The following TAOK1 variants were observed in gnomAD, a reference collection of about 807,000 sequenced individuals.
The protein encoded by TAOK1 is serine/threonine-protein kinase TAO1.
A neutral mutation model predicts 138.3 loss-of-function variants in TAOK1; 21 were observed. That is an observed-to-expected ratio of 0.15 (90% CI 0.11 to 0.22). The LOEUF (loss-of-function observed/expected upper bound fraction) is 0.22. TAOK1 is among the 10% of genes least tolerant of loss of function. TAOK1 has a pLI of 1.00. For synonymous variants in TAOK1, 361 were observed against 398.4 expected (o/e 0.91, Z 1.12); for missense variants, 651 against 1,227.7 (o/e 0.53, Z 7.02).
chr17:29,478,984 G>T lies in TAOK1; in HGVS notation c.449+637G>T, dbSNP rs556919224. Among the ~76,000 whole-genome samples the T allele has an allele frequency of 7.9e-5, 12 of 152,156 alleles. No individual in the cohort carries two copies. The South Asian group carries it at 2.3e-3, about 29-fold the overall frequency. On this transcript the variant is annotated intron_variant, in intron 6 of 19. Coordinates refer to ENST00000261716, the MANE Select transcript of TAOK1 (RefSeq NM_020791.4). ...CACTGAAAATATGAAAATTAGCTGG[G>T]CTTTGTTGTAGGCATCTATAATCCC...
chr17:29,501,514 A>T (rs192821714), intron 12 of TAOK1, among the ~76,000 whole-genome samples: 1 of 151,938 alleles, frequency 6.6e-6, no homozygotes, highest in Non-Finnish European at 1.5e-5. Context: ...TCAGGGAAGG[A>T]TATCAGTCCT....
chr17:29,494,559 G>C (rs186942592), intron 10 of TAOK1, among the ~76,000 whole-genome samples: 1 of 152,110 alleles, frequency 6.6e-6, no homozygotes, highest in African/African-American at 2.4e-5. Context: ...GGGCGCGGTG[G>C]CTCACACCTG....
rs569040734 is a variant in TAOK1 at position 29,546,561 on chromosome 17, G to T, written c.*3539G>T. Reference sequence around the variant, plus strand: ...TTCACCTGTGAAAAATGACTTCATTGTACTTGAAACACCTCCTTTGCATTT... The same window carrying T: ...TTCACCTGTGAAAAATGACTTCATTTTACTTGAAACACCTCCTTTGCATTT... On this transcript the variant is annotated 3_prime_UTR_variant, in exon 20 of 20. Transcript: ENST00000261716. The T allele has an allele frequency of 1.3e-5, 2 of 152,090 alleles. No homozygotes were observed. The highest frequency in any genetic ancestry group is 2.1e-4 in the South Asian group (1 of 4,824). The allele number at this position is 152,090 out of a possible 1,614,324, so 9.4% of individuals were successfully genotyped here. A position where few individuals can be genotyped will look rare whatever the true frequency, so the allele number is the denominator to read the frequency against.
intron 1 of TAOK1, among the ~76,000 whole-genome samples, chr17:29,447,688 G>A (rs1229064140): frequency 1.3e-5 from 2 of 149,260 alleles, no homozygotes; most frequent in Non-Finnish European, 3.0e-5. Context: ...ACAGAGTGTC[G>A]CTATGTTGCC....
chr17:29,416,956 G>C (rs548945365), intron 1 of TAOK1, among the ~76,000 whole-genome samples: 27 of 152,036 alleles, frequency 1.8e-4, no homozygotes, highest in Admixed American at 5.9e-4. Context: ...CAGGGATATG[G>C]TAAAGGTCTG....
chr17:29,523,742 C>G (rs2031961598), intron 17 of TAOK1, among the ~76,000 whole-genome samples: 1 of 152,174 alleles, frequency 6.6e-6, no homozygotes, highest in South Asian at 2.1e-4. Context: ...ATAAGCACCT[C>G]AATTGCTCTG....
chr17:29,486,541 G>A (rs1436104131), intron 8 of TAOK1, among the ~76,000 whole-genome samples: 1 of 152,070 alleles, frequency 6.6e-6, no homozygotes, highest in African/African-American at 2.4e-5. Flanking sequence ...ACTGAGGCAG[G>A]AGGATCTCTT....
chr17:29,420,636 AGT>A (rs1481266299), intron 1 of TAOK1, among the ~76,000 whole-genome samples: 1 of 144,178 alleles, frequency 6.9e-6, no homozygotes, highest in African/African-American at 2.6e-5. Flanking sequence ...CCCAGGCTAG[AGT>A]GCAATGGCAC....
chr17:29,530,375 A>G (rs1367662923), intron 17 of TAOK1, 32 bp from the exon 18 acceptor site: 1 of 1,591,384 alleles, frequency 6.3e-7, no homozygotes, highest in African/African-American at 1.3e-5. Flanking sequence ...TTTCGTTACA[A>G]CTTACATAAA....
At chr17:29,509,256 G>C (rs560597753) in intron 14 of TAOK1, among the ~76,000 whole-genome samples, 12 of 152,106 alleles carry the variant, frequency 7.9e-5, no homozygotes, top group African/African-American at 2.9e-4. Flanking sequence ...TGCAACCTCT[G>C]CTCTCCAAGT....
chr17:29,535,101 C>T (rs1446949612), intron 19 of TAOK1, among the ~76,000 whole-genome samples: 2 of 152,114 alleles, frequency 1.3e-5, no homozygotes, highest in Admixed American at 1.3e-4. Flanking sequence ...CGTCTGAGCT[C>T]AGGAGTTCGA....
chr17:29,493,448 C>A (rs980032139), intron 10 of TAOK1, among the ~76,000 whole-genome samples: 1 of 150,624 alleles, frequency 6.6e-6, no homozygotes, highest in Non-Finnish European at 1.5e-5. Flanking sequence ...GAGCTGAGAT[C>A]GCACCATTGC....
At position 29,535,310 on chromosome 17, in the gene TAOK1, AAAATAAAT is replaced by A. The variant is rs540444506; in HGVS notation, c.2544+1026_2544+1033del. Among the ~76,000 whole-genome samples the A allele has an allele frequency of 2.1e-4, 32 of 151,318 alleles. No individual in the cohort carries two copies. In the East Asian group the frequency reaches 5.5e-3, roughly 26 times the overall value. ...TGGGCAACAGGCAAGATCCTGTCTCAAAATAAATAAATAAATAAATAAAACAGTGGTCG... is the reference window on the plus strand; with the variant it reads ...TGGGCAACAGGCAAGATCCTGTCTCAAAATAAATAAATAAAACAGTGGTCG... On this transcript the variant is annotated intron_variant, in intron 19 of 19. Coordinates refer to ENST00000261716, the MANE Select transcript of TAOK1 (RefSeq NM_020791.4).
chr17:29,477,343 A>G (rs1161480203), intron 4 of TAOK1, among the ~76,000 whole-genome samples: 3 of 151,908 alleles, frequency 2.0e-5, no homozygotes, highest in African/African-American at 7.2e-5. Flanking sequence ...TTTCTTTATA[A>G]TTTTAATTAG....
chr17:29,441,053 A>G (rs901620029), intron 1 of TAOK1, among the ~76,000 whole-genome samples: 1 of 152,204 alleles, frequency 6.6e-6, no homozygotes, highest in African/African-American at 2.4e-5. Flanking sequence ...ATCATAATGT[A>G]TAATCCTTTT....
chr17:29,531,224 C>T (rs567823978), intron 18 of TAOK1, among the ~76,000 whole-genome samples: 3 of 151,654 alleles, frequency 2.0e-5, no homozygotes, highest in Non-Finnish European at 4.4e-5. Flanking sequence ...GCCTCGGCCT[C>T]CCAAAGTGCT....
At chr17:29,472,532 C>T (rs868744449) in intron 3 of TAOK1, among the ~76,000 whole-genome samples, 2 of 149,686 alleles carry the variant, frequency 1.3e-5, no homozygotes, top group Admixed American at 6.7e-5. Context: ...GGATTACAGG[C>T]GTGAACCACC....
At chr17:29,476,274 C>G (rs919409279) in intron 4 of TAOK1, among the ~76,000 whole-genome samples, 1 of 152,014 alleles carries the variant, frequency 6.6e-6, no homozygotes, top group African/African-American at 2.4e-5. Flanking sequence ...CAGGAATGGC[C>G]CCTTATTTTG....
intron 1 of TAOK1, among the ~76,000 whole-genome samples, chr17:29,401,762 C>G (rs572922454): frequency 3.7e-4 from 56 of 152,060 alleles, no homozygotes; most frequent in African/African-American, 1.4e-3. Flanking sequence ...TCAAGCAATC[C>G]TCCCACCTCA....
Sources: gnomAD v4.1 joint callset for allele counts (sites outside exome capture counted in the v4.1 genomes callset) on GRCh38, gnomAD v4.1.1 for gene constraint, MANE v1.5 for transcripts, NCBI Gene and HGNC (gene_info 2026-07-23, HGNC 2026-07-21) for gene names.